Variants in AKAP6 observed in about 807,000 individuals in gnomAD.
AKAP6 encodes A-kinase anchor protein 6.
A neutral mutation model predicts 188.5 loss-of-function variants in AKAP6; 58 were observed. That is an observed-to-expected ratio of 0.31 (90% confidence interval 0.25 to 0.38). The LOEUF (loss-of-function observed/expected upper bound fraction) is 0.38, where lower values mean the gene tolerates loss of function less well. AKAP6 is among the 10% of genes least tolerant of loss of function. The pLI is 1.00. For missense variants in AKAP6, 2,710 were observed against 2,740.0 expected (o/e 0.99, Z 0.24); for synonymous variants, 989 against 998.6 (o/e 0.99, Z 0.18).
chr14:32,760,609 C>G (rs1034393469), intron 11 of AKAP6, among the ~76,000 whole-genome samples: 1 of 152,110 alleles, frequency 6.6e-6, no homozygotes, highest in African/African-American at 2.4e-5. Flanking sequence ...ACTACCCTCC[C>G]GTGTATTCAA....
chr14:32,384,054 A>G (rs186263902), intron 1 of AKAP6, among the ~76,000 whole-genome samples: 36 of 152,292 alleles, frequency 2.4e-4, no homozygotes, highest in Non-Finnish European at 4.6e-4. Context: ...AGCCACCAGT[A>G]ATGTGATGTA....
chr14:32,433,409 A>G (rs1890280281), intron 1 of AKAP6, 51 bp from the exon 2 acceptor site: 1 of 1,214,762 alleles, frequency 8.2e-7, no homozygotes, highest in Non-Finnish European at 1.2e-6. Flanking sequence ...TCATTTCTTT[A>G]TTTGGCAATC....
At chr14:32,708,746 C>A (rs972027910) in intron 9 of AKAP6, among the ~76,000 whole-genome samples, 14 of 151,998 alleles carry the variant, frequency 9.2e-5, no homozygotes, top group African/African-American at 3.4e-4. Flanking sequence ...AATCACTTCA[C>A]TTCTTGGCCC....
intron 2 of AKAP6, among the ~76,000 whole-genome samples, chr14:32,471,992 A>G: frequency 6.6e-6 from 1 of 152,162 alleles, no homozygotes; most frequent in East Asian, 1.9e-4. Context: ...CTTAAGATAA[A>G]AGAGAGGTTT....
chr14:32,354,222 C>T (rs1368790735), intron 1 of AKAP6, among the ~76,000 whole-genome samples: 1 of 151,114 alleles, frequency 6.6e-6, no homozygotes, highest in Non-Finnish European at 1.5e-5. Flanking sequence ...TACAAGGCTA[C>T]AGTAACCAAA....
chr14:32,546,830 C>G lies in AKAP6; in HGVS notation c.2177C>G (p.Ser726Cys), dbSNP rs766719932. The part of the protein sequence containing the change: ...PLSDILSDEE[S>C]SMPLAGMKKY... ...AGTGACATTCTTTCTGATGAGGAGT[C>G]CAGTATGCCTCTCGCTGGCATGAAA... The change falls in exon 4 of 14, where the codon TCC (serine) becomes TGC (cysteine). Residue 726 changes from serine to cysteine, a missense_variant. Transcript: ENST00000280979. 1.2e-6 allele frequency: 2 copies of G among 1,613,860 alleles called. No homozygotes were observed. The highest frequency in any genetic ancestry group is 1.7e-6 in the Non-Finnish European group (2 of 1,180,004).
At chr14:32,713,516 C>T (rs544708635) in intron 9 of AKAP6, among the ~76,000 whole-genome samples, 3 of 151,974 alleles carry the variant, frequency 2.0e-5, no homozygotes, top group South Asian at 2.1e-4. Flanking sequence ...TCTGTTATTT[C>T]GTGTGGCCAC....
chr14:32,481,992 C>A (rs1465489343), intron 2 of AKAP6, among the ~76,000 whole-genome samples: 2 of 152,104 alleles, frequency 1.3e-5, no homozygotes, highest in Non-Finnish European at 2.9e-5. Flanking sequence ...CATCTTGGAA[C>A]AAATTGAAGG....
intron 7 of AKAP6, among the ~76,000 whole-genome samples, chr14:32,654,512 C>T (rs1291825892): frequency 2.0e-5 from 3 of 151,940 alleles, no homozygotes; most frequent in Non-Finnish European, 4.4e-5. Context: ...GTGAAATATA[C>T]CAGACTGATA....
intron 7 of AKAP6, among the ~76,000 whole-genome samples, chr14:32,616,642 A>G (rs1476141918): frequency 6.6e-6 from 1 of 152,146 alleles, no homozygotes; most frequent in African/African-American, 2.4e-5. Flanking sequence ...AAAATAACTA[A>G]TGGGTACAAG....
Position 32,822,119 on chromosome 14 carries a change from G to A in AKAP6, c.4306G>A (p.Val1436Ile). 1 of 1,613,848 alleles carries A rather than the reference G, an allele frequency of 6.2e-7. No individual in the cohort carries two copies. Among genetic ancestry groups the A allele is most frequent in the Non-Finnish European group, 8.5e-7 (1 of 1,179,910 alleles). The change falls in exon 13 of 14, where the codon GTA becomes ATA. Residue 1436 changes from valine (V) to isoleucine (I), a missense_variant. Around this residue, in one of 2 missense-constraint regions of AKAP6, gnomAD observed 2,473 missense variants for 2,426.1 expected, o/e 1.02. Transcript: ENST00000280979. ...GTCGTCCATTTCACCAGTGGGTTGT[G>A]TAAATGGAAAAGTTGGAGATTTAAA... ...SQSSISPVGC[V>I]NGKVGDLNSI... is the part of the protein sequence containing the mutation.
intron 7 of AKAP6, among the ~76,000 whole-genome samples, chr14:32,603,300 G>A (rs1010598046): frequency 2.6e-5 from 4 of 152,130 alleles, no homozygotes; most frequent in Non-Finnish European, 5.9e-5. Flanking sequence ...GTGGGAGTAT[G>A]CCGAAGTGGA....
chr14:32,570,999 C>A (rs1030804976), intron 4 of AKAP6, among the ~76,000 whole-genome samples: 1 of 152,164 alleles, frequency 6.6e-6, no homozygotes, highest in African/African-American at 2.4e-5. Flanking sequence ...GGGCAGACTT[C>A]CTTACCTCTT....
At chr14:32,640,253 C>T (rs1484396002) in intron 7 of AKAP6, among the ~76,000 whole-genome samples, 4 of 152,096 alleles carry the variant, frequency 2.6e-5, no homozygotes, top group African/African-American at 9.7e-5. Context: ...TTATATTCAA[C>T]CTTAATGATA....
chr14:32,809,153 G>A (rs796887974), intron 12 of AKAP6, among the ~76,000 whole-genome samples: 2 of 152,314 alleles, frequency 1.3e-5, no homozygotes, highest in African/African-American at 4.8e-5. Context: ...GAGAAAGCTG[G>A]CGCATTTTTA....
chr14:32,463,892 T>C, intron 2 of AKAP6, among the ~76,000 whole-genome samples: 1 of 151,736 alleles, frequency 6.6e-6, no homozygotes, highest in Non-Finnish European at 1.5e-5. Flanking sequence ...ATAGACACAA[T>C]AAAAAATGAT....
chr14:32,395,932 T>G (rs1247506596), intron 1 of AKAP6, among the ~76,000 whole-genome samples: 1 of 152,190 alleles, frequency 6.6e-6, no homozygotes, highest in Non-Finnish European at 1.5e-5. Context: ...TATTCTTTGC[T>G]TAACACTGTG....
At chr14:32,544,807 G>C (rs1179808328) in intron 3 of AKAP6, among the ~76,000 whole-genome samples, 1 of 152,070 alleles carries the variant, frequency 6.6e-6, no homozygotes, top group South Asian at 2.1e-4. Context: ...TAGCCACTGT[G>C]GTAGGTACTG....
intron 1 of AKAP6, among the ~76,000 whole-genome samples, chr14:32,414,224 A>G (rs149223260): frequency 6.6e-6 from 1 of 152,264 alleles, no homozygotes; most frequent in African/African-American, 2.4e-5. Flanking sequence ...GTATTTGAAT[A>G]CAATGAATAC....
Sources: allele counts gnomAD v4.1 joint callset (sites outside exome capture counted in the v4.1 genomes callset), GRCh38; gene constraint gnomAD v4.1.1; regional missense constraint gnomAD v4.1.1; transcripts MANE v1.5; gene names NCBI Gene and HGNC (gene_info 2026-07-23, HGNC 2026-07-21).